Variants in RASGRF2 observed in about 807,000 individuals in gnomAD.
The protein encoded by RASGRF2 is ras-specific guanine nucleotide-releasing factor 2.
A neutral mutation model predicts 151.0 loss-of-function variants in RASGRF2; 76 were observed. That is an observed-to-expected ratio of 0.50 (90% CI 0.42 to 0.61). The LOEUF (loss-of-function observed/expected upper bound fraction) is 0.61, where lower values mean the gene tolerates loss of function less well. Ranked by LOEUF, RASGRF2 falls within the 20% of genes least tolerant of loss-of-function variation. The pLI, the probability that RASGRF2 is intolerant of heterozygous loss-of-function variation, is 0.00. For synonymous variants in RASGRF2, 504 were observed against 566.5 expected, an observed-to-expected ratio of 0.89 and a Z score of 1.57; for missense variants, 1,148 against 1,564.6, an observed-to-expected ratio of 0.73 and a Z score of 4.49.
intron 1 of RASGRF2, among the ~76,000 whole-genome samples, chr5:80,990,492 T>A (rs773151451): frequency 6.6e-6 from 1 of 152,134 alleles, no homozygotes; most frequent in South Asian, 2.1e-4. Context: ...AGCCAAAAAA[T>A]TTCTGCTGTT....
At chr5:81,009,069 C>T (rs1423021563) in intron 1 of RASGRF2, among the ~76,000 whole-genome samples, 1 of 152,192 alleles carries the variant, frequency 6.6e-6, no homozygotes, top group Non-Finnish European at 1.5e-5. Flanking sequence ...CACTACTACC[C>T]CTGGGCCTGC....
chr5:81,029,027 A>G (rs1275697045), intron 1 of RASGRF2, among the ~76,000 whole-genome samples: 1 of 152,246 alleles, frequency 6.6e-6, no homozygotes, highest in Non-Finnish European at 1.5e-5. Flanking sequence ...GGAGGGTCCC[A>G]TGCCCACGGA....
At chr5:81,023,492 G>A (rs1408563529) in intron 1 of RASGRF2, among the ~76,000 whole-genome samples, 1 of 152,182 alleles carries the variant, frequency 6.6e-6, no homozygotes, top group African/African-American at 2.4e-5. Context: ...TTATCAGAGT[G>A]AGACTAGACA....
chr5:81,134,934 A>G (rs911853892), intron 17 of RASGRF2, among the ~76,000 whole-genome samples: 2 of 151,858 alleles, frequency 1.3e-5, no homozygotes, highest in African/African-American at 4.8e-5. Flanking sequence ...AAACTGTTGT[A>G]GTAATTATTC....
At position 81,228,033 on chromosome 5, in the gene RASGRF2, C is replaced by A. The variant is rs187576128; in HGVS notation, c.*2263C>A. 7 of 152,260 alleles carry A rather than the reference C, an allele frequency of 4.6e-5. No homozygotes were observed. Among genetic ancestry groups the A allele is most frequent in the African/African-American group, 1.4e-4 (6 of 41,554 alleles). 9.4% of individuals were successfully genotyped at this position (152,260 alleles called of 1,614,324 possible). A position where few individuals can be genotyped will look rare whatever the true frequency, so the allele number is the denominator to read the frequency against. On this transcript the variant is annotated 3_prime_UTR_variant, in exon 27 of 27. Coordinates refer to ENST00000265080, the MANE Select transcript of RASGRF2 (RefSeq NM_006909.3). The stretch of plus-strand genomic sequence containing the variant: ...GCCTATTTCCTGCAGGATGTTGGAA[C>A]TGCCCCGCACTGGTCATATTAGGCA...
intron 2 of RASGRF2, among the ~76,000 whole-genome samples, chr5:81,059,550 A>G (rs1751350942): frequency 6.6e-6 from 1 of 151,670 alleles, no homozygotes. Context: ...TTGCATTGCT[A>G]TAAAGAAATA....
intron 5 of RASGRF2, among the ~76,000 whole-genome samples, chr5:81,078,892 A>C (rs1752011422): frequency 1.3e-5 from 2 of 152,224 alleles, no homozygotes; most frequent in Non-Finnish European, 2.9e-5. Context: ...GTTGACTTTC[A>C]GAGAACATAG....
intron 6 of RASGRF2, 83 bp from the exon 7 acceptor site, chr5:81,080,513 G>A (rs1328351627): frequency 2.5e-5 from 34 of 1,367,438 alleles, no homozygotes; most frequent in Non-Finnish European, 3.4e-5. Flanking sequence ...CTGGTGCTGG[G>A]ACCCACTCTT....
intron 2 of RASGRF2, among the ~76,000 whole-genome samples, chr5:81,057,883 C>A (rs1472029162): frequency 6.6e-6 from 1 of 151,928 alleles, no homozygotes; most frequent in African/African-American, 2.4e-5. Flanking sequence ...GTAGTCCCAG[C>A]TATTTGGCAG....
chr5:81,056,005 G>A (rs937215202), intron 2 of RASGRF2, among the ~76,000 whole-genome samples: 1 of 152,052 alleles, frequency 6.6e-6, no homozygotes, highest in Non-Finnish European at 1.5e-5. Flanking sequence ...GTGTCTATTT[G>A]ATTCTTCTCT....
Position 80,971,594 on chromosome 5 carries a change from C to T in RASGRF2, c.288+10568C>T, listed in dbSNP as rs538649643. Among the ~76,000 whole-genome samples the T allele has an allele frequency of 3.4e-3, 478 of 141,262 alleles. 3 individuals are homozygous for T. Among genetic ancestry groups the T allele is most frequent in the South Asian group, 5.5e-3 (24 of 4,392 alleles). 92.7% of individuals were successfully genotyped at this position (141,262 alleles called of 152,430 possible). On this transcript the variant is annotated intron_variant, in intron 1 of 26. Transcript: ENST00000265080. ...TTTTTTTTTTTTTTTGAGATAGTTT[C>T]TTACTCTGTCATCCAGGCTGGAATG...
intron 2 of RASGRF2, among the ~76,000 whole-genome samples, chr5:81,050,824 T>G (rs1041968700): frequency 3.9e-5 from 6 of 152,202 alleles, no homozygotes; most frequent in African/African-American, 7.2e-5. Context: ...TCTGTCAACC[T>G]GAATTCCTTC....
At chr5:81,149,242 C>A (rs1168587929) in intron 17 of RASGRF2, among the ~76,000 whole-genome samples, 4 of 152,170 alleles carry the variant, frequency 2.6e-5, no homozygotes, top group Non-Finnish European at 5.9e-5. Context: ...GCCTATCAAC[C>A]AATGAGTGGA....
intron 1 of RASGRF2, among the ~76,000 whole-genome samples, chr5:81,029,803 T>C (rs1750173017): frequency 6.6e-6 from 1 of 152,222 alleles, no homozygotes; most frequent in South Asian, 2.1e-4. Flanking sequence ...AGAATGACTT[T>C]GATGAGTTGA....
In RASGRF2 at chr5:81,031,898, G is replaced by A. The variant is rs183590043; in HGVS notation, c.289-10979G>A. On this transcript the variant is annotated intron_variant, in intron 1 of 26. Transcript: ENST00000265080. ...AAAAGATCAACAAAATTGATAGACCGCTAGCAAGACTAATAAAGAAGAAAA... is the reference window on the plus strand; with the variant it reads ...AAAAGATCAACAAAATTGATAGACCACTAGCAAGACTAATAAAGAAGAAAA... Among the ~76,000 whole-genome samples, 1,422 of 152,012 alleles carry A rather than the reference G, an allele frequency of 9.4e-3. 15 individuals carry two copies. Among genetic ancestry groups the A allele is most frequent in the African/African-American group, 0.02 (829 of 41,448 alleles).
At chr5:80,975,851 A>G (rs1380586781) in intron 1 of RASGRF2, among the ~76,000 whole-genome samples, 1 of 138,960 alleles carries the variant, frequency 7.2e-6, no homozygotes, top group African/African-American at 2.8e-5. Context: ...TAAAGCAATC[A>G]TCTTTTTTTT....
chr5:80,993,316 A>G (rs1181768793), intron 1 of RASGRF2, among the ~76,000 whole-genome samples: 1 of 152,248 alleles, frequency 6.6e-6, no homozygotes, highest in Non-Finnish European at 1.5e-5. Context: ...TGTTAAGTTA[A>G]ATGGAAATAT....
intron 1 of RASGRF2, among the ~76,000 whole-genome samples, chr5:81,033,856 C>A (rs1192827050): frequency 1.3e-5 from 2 of 152,174 alleles, no homozygotes; most frequent in Non-Finnish European, 2.9e-5. Flanking sequence ...TCAGAGCGAA[C>A]AGGCAACCTA....
chr5:81,050,774 A>G lies in RASGRF2; in HGVS notation c.395+7791A>G, dbSNP rs543592526. ...ACTTCTTATTTCGCTCGAAGCACCT[A>G]AGAAATTATTGCATTGATTTGTTTA... On this transcript the variant is annotated intron_variant, in intron 2 of 26. Coordinates refer to ENST00000265080, the MANE Select transcript of RASGRF2 (RefSeq NM_006909.3). Among the ~76,000 whole-genome samples, 52 of 152,250 alleles carry G rather than the reference A, an allele frequency of 3.4e-4. 1 individual carries two copies. The highest frequency in any genetic ancestry group is 1.1e-3 in the African/African-American group (47 of 41,554).
Sources: allele counts gnomAD v4.1 joint callset (sites outside exome capture counted in the v4.1 genomes callset), GRCh38; gene constraint gnomAD v4.1.1; transcripts MANE v1.5; gene names NCBI Gene and HGNC (gene_info 2026-07-23, HGNC 2026-07-21).